The following CNOT2 variants were observed in gnomAD, a reference collection of about 807,000 sequenced individuals.
CNOT2 encodes CCR4-NOT transcription complex subunit 2.
In CNOT2, 7 loss-of-function variants were observed where a neutral mutation model predicts 72.1. That is an observed-to-expected ratio of 0.10 (90% CI 0.06 to 0.18). The LOEUF (loss-of-function observed/expected upper bound fraction) is 0.18. CNOT2 is among the 10% of genes least tolerant of loss of function. CNOT2 has a pLI of 1.00. For synonymous variants in CNOT2, 196 were observed against 225.6 expected (o/e 0.87, Z 1.17); for missense variants, 345 against 660.3 (o/e 0.52, Z 5.23).
At chr12:70,337,572 A>G in intron 9 of CNOT2, 59 bp downstream of exon 9, 3 of 1,503,330 alleles carry the variant, frequency 2.0e-6, no homozygotes, top group Non-Finnish European at 2.8e-6. Context: ...GATTTCTCTT[A>G]TATTAACAAT....
intron 3 of CNOT2, among the ~76,000 whole-genome samples, chr12:70,314,522 T>G (rs1876991940): frequency 6.6e-6 from 1 of 152,158 alleles, no homozygotes; most frequent in Admixed American, 6.6e-5. Flanking sequence ...TAAACATTCC[T>G]TGAGTCAGTC....
intron 1 of CNOT2, among the ~76,000 whole-genome samples, chr12:70,262,760 A>G (rs10467080): frequency 0.19 from 28,375 of 147,720 alleles, 3,060 homozygotes; most frequent in Admixed American, 0.34. Flanking sequence ...CGCAACCTCT[A>G]CCTCCCGGGT....
At chr12:70,246,011 C>G (rs1008362649) in intron 1 of CNOT2, among the ~76,000 whole-genome samples, 1 of 152,106 alleles carries the variant, frequency 6.6e-6, no homozygotes, top group Admixed American at 6.5e-5. Context: ...AAGACCATTA[C>G]AGAATTTTTT....
intron 1 of CNOT2, among the ~76,000 whole-genome samples, chr12:70,262,330 A>T (rs979702931): frequency 3.3e-5 from 5 of 151,108 alleles, no homozygotes; most frequent in African/African-American, 1.2e-4. Context: ...CTGGAGTGCA[A>T]TGGCGCAATC....
intron 3 of CNOT2, among the ~76,000 whole-genome samples, chr12:70,318,083 C>T (rs894523642): frequency 6.6e-6 from 1 of 151,812 alleles, no homozygotes; most frequent in Non-Finnish European, 1.5e-5. Flanking sequence ...CACCAGAATG[C>T]GTCTTATTTT....
At chr12:70,305,202 C>T (rs79796212) in intron 2 of CNOT2, among the ~76,000 whole-genome samples, 3 of 152,220 alleles carry the variant, frequency 2.0e-5, no homozygotes, top group Non-Finnish European at 2.9e-5. Context: ...CGGCACTGCC[C>T]AGTGAGATGA....
chr12:70,266,701 T>A (rs978775275), intron 1 of CNOT2, among the ~76,000 whole-genome samples: 11 of 152,194 alleles, frequency 7.2e-5, no homozygotes, highest in Non-Finnish European at 1.6e-4. Context: ...CATACATTTC[T>A]TAGCCCTGGT....
intron 2 of CNOT2, among the ~76,000 whole-genome samples, chr12:70,297,347 C>T (rs1035591847): frequency 9.2e-5 from 14 of 152,102 alleles, no homozygotes; most frequent in Non-Finnish European, 2.1e-4. Context: ...ACTACAAACT[C>T]TGTAGCTGGG....
intron 1 of CNOT2, among the ~76,000 whole-genome samples, chr12:70,259,932 C>A (rs1958668861): frequency 6.6e-6 from 1 of 152,152 alleles, no homozygotes; most frequent in African/African-American, 2.4e-5. Context: ...ACTGTTTTCT[C>A]TATTTATTTA....
At chr12:70,297,204 A>G (rs1421590490) in intron 2 of CNOT2, among the ~76,000 whole-genome samples, 1 of 152,206 alleles carries the variant, frequency 6.6e-6, no homozygotes, top group Non-Finnish European at 1.5e-5. Context: ...GAATTCAGAG[A>G]GAAAATAAGA....
At chr12:70,303,315 T>A (rs2135926316) in intron 2 of CNOT2, among the ~76,000 whole-genome samples, 1 of 152,320 alleles carries the variant, frequency 6.6e-6, no homozygotes, top group South Asian at 2.1e-4. Flanking sequence ...CTAGCCTTGA[T>A]GGTCTTTACA....
At chr12:70,260,530 T>G (rs1277628826) in intron 1 of CNOT2, among the ~76,000 whole-genome samples, 1 of 152,122 alleles carries the variant, frequency 6.6e-6, no homozygotes, top group Non-Finnish European at 1.5e-5. Flanking sequence ...TATAAAACAT[T>G]ACTATTAATA....
At chr12:70,276,969 T>A (rs1052551461) in intron 1 of CNOT2, among the ~76,000 whole-genome samples, 7 of 151,992 alleles carry the variant, frequency 4.6e-5, no homozygotes, top group African/African-American at 1.4e-4. Context: ...AATTTTTTTT[T>A]AAATGTTCTG....
intron 1 of CNOT2, among the ~76,000 whole-genome samples, chr12:70,247,228 G>A (rs893842597): frequency 2.0e-5 from 3 of 151,554 alleles, no homozygotes; most frequent in African/African-American, 7.3e-5. Flanking sequence ...GCAATGGCGT[G>A]ATCTTGGCTC....
chr12:70,315,501 A>AT (rs148002474), intron 3 of CNOT2, among the ~76,000 whole-genome samples: 3,426 of 152,232 alleles, frequency 0.023, 56 homozygotes, highest in Middle Eastern at 0.034. Flanking sequence ...CTTAAATATC[A>AT]TTTTTTAATT....
At chr12:70,331,504 T>C (rs1484302142) in intron 6 of CNOT2, 1 of 151,848 alleles carries the variant, frequency 6.6e-6, no homozygotes, top group Non-Finnish European at 1.5e-5. Context: ...TCCATAGTTT[T>C]TCACATTTTG....
chr12:70,336,795 C>T (rs1039322669), intron 8 of CNOT2: 1 of 152,126 alleles, frequency 6.6e-6, no homozygotes, highest in Non-Finnish European at 1.5e-5. Context: ...TTCTCCATAT[C>T]GTTCTTGAAT....
intron 2 of CNOT2, among the ~76,000 whole-genome samples, chr12:70,295,051 G>A (rs1872597559): frequency 6.6e-6 from 1 of 152,076 alleles, no homozygotes; most frequent in South Asian, 2.1e-4. Flanking sequence ...TAATTTTGTA[G>A]GGATGTAGCT....
At chr12:70,297,697 GT>G in intron 2 of CNOT2, 1 of 304,612 alleles carries the variant, frequency 3.3e-6, no homozygotes. Context: ...GCTTTTAGTA[GT>G]TATTTCTACT....
Sources: allele counts gnomAD v4.1 joint callset (sites outside exome capture counted in the v4.1 genomes callset), GRCh38; gene constraint gnomAD v4.1.1; transcripts MANE v1.5; gene names NCBI Gene and HGNC (gene_info 2026-07-23, HGNC 2026-07-21).